Variants in FMO1 observed in about 807,000 individuals in gnomAD.
FMO1 encodes flavin containing dimethylaniline monoxygenase 1.
In FMO1, 36 loss-of-function variants were observed where a neutral mutation model predicts 45.4. The observed-to-expected ratio is 0.79, with a 90% CI of 0.61 to 1.05. FMO1 has a LOEUF of 1.05. FMO1 is among the 50% of genes least tolerant of loss of function. The pLI, the probability that FMO1 is intolerant of heterozygous loss-of-function variation, is 0.00. For missense variants in FMO1, 615 were observed against 640.3 expected, an observed-to-expected ratio of 0.96 and a Z score of 0.43; for synonymous variants, 228 against 227.2, an observed-to-expected ratio of 1.00 and a Z score of -0.03.
At chr1:171,265,165 C>T (rs527453972) in intron 2 of FMO1, among the ~76,000 whole-genome samples, 7 of 152,004 alleles carry the variant, frequency 4.6e-5, no homozygotes, top group Admixed American at 3.9e-4. Flanking sequence ...CCAAGGCAGG[C>T]GGATCATGAG....
chr1:171,271,947 A>T (rs1282650093), intron 3 of FMO1, among the ~76,000 whole-genome samples: 2 of 152,178 alleles, frequency 1.3e-5, no homozygotes, highest in Non-Finnish European at 2.9e-5. Context: ...AATAACAAGG[A>T]GCCAAATGTT....
rs36027678 is a variant in FMO1, at chr1:171,274,148, CAAAA to C, written c.322-1183_322-1180del. On this transcript the variant is annotated intron_variant, in intron 3 of 8. Coordinates refer to ENST00000617670, the MANE Select transcript of FMO1 (RefSeq NM_001282693.2). ...TGGGCAACAGAGCGAGACTCCATCTCAAAAAAAAAAAAAAAAAAGTAAACACAAA... is the reference window on the plus strand; with the variant it reads ...TGGGCAACAGAGCGAGACTCCATCTCAAAAAAAAAAAAAAGTAAACACAAA... Among the ~76,000 whole-genome samples, 56 of 96,670 alleles carry C rather than the reference CAAAA, an allele frequency of 5.8e-4. No individual in the cohort carries two copies. In the South Asian group the frequency reaches 0.017, roughly 29 times the overall value. The allele number at this position is 96,670 out of a possible 152,430, so 63.4% of individuals were successfully genotyped here. A position where few individuals can be genotyped will look rare whatever the true frequency, so the allele number is the denominator to read the frequency against.
chr1:171,284,477 C>A (rs1264676102), intron 8 of FMO1, among the ~76,000 whole-genome samples: 2 of 151,984 alleles, frequency 1.3e-5, no homozygotes, highest in African/African-American at 4.8e-5. Context: ...GTGGATCATG[C>A]CTGTAATCCC....
chr1:171,264,039 G>A (rs886080813), intron 2 of FMO1, among the ~76,000 whole-genome samples: 3 of 152,152 alleles, frequency 2.0e-5, no homozygotes, highest in Admixed American at 6.5e-5. Context: ...TATCCTAAGG[G>A]CTAAGTTTCC....
intron 2 of FMO1, among the ~76,000 whole-genome samples, chr1:171,261,599 T>A (rs968558908): frequency 6.6e-6 from 1 of 151,972 alleles, no homozygotes; most frequent in African/African-American, 2.4e-5. Context: ...ATTACTGCAT[T>A]TTGGCCAGGC....
intron 2 of FMO1, among the ~76,000 whole-genome samples, chr1:171,264,313 T>G (rs1481805356): frequency 6.7e-6 from 1 of 149,680 alleles, no homozygotes; most frequent in Non-Finnish European, 1.5e-5. Context: ...AAATTTTTAA[T>G]TTGTGTGTGT....
Position 171,278,718 on chromosome 1 carries a change from A to G in FMO1, c.485-11A>G. On this transcript the variant is annotated splice_polypyrimidine_tract_variant and intron_variant, in intron 4 of 8. Coordinates refer to ENST00000617670, the MANE Select transcript of FMO1 (RefSeq NM_001282693.2). Reference sequence around the variant, plus strand: ...TAATTCTCTGTGTGACTTCTCTTTTATTTTCTATAGGTATTAATGCCTTTA... The same window carrying G: ...TAATTCTCTGTGTGACTTCTCTTTTGTTTTCTATAGGTATTAATGCCTTTA... The G allele has an allele frequency of 6.4e-7, 1 of 1,552,840 alleles. No homozygotes were observed. Among genetic ancestry groups the G allele is most frequent in the Non-Finnish European group, 8.8e-7 (1 of 1,140,948 alleles).
chr1:171,271,651 C>T, intron 3 of FMO1: 1 of 706,654 alleles, frequency 1.4e-6, no homozygotes, highest in Non-Finnish European at 2.5e-6. Flanking sequence ...TCTCACTTGC[C>T]CCAGTGCTGT....
intron 6 of FMO1, 104 bp downstream of exon 6, chr1:171,281,089 T>A: frequency 1.2e-6 from 1 of 844,742 alleles, no homozygotes; most frequent in Non-Finnish European, 1.9e-6. Context: ...GCTGAATGTG[T>A]GGGAACACTT....
intron 1 of FMO1, 46 bp from the exon 2 acceptor site, chr1:171,258,036 G>A: frequency 1.2e-6 from 2 of 1,611,022 alleles, no homozygotes; most frequent in Non-Finnish European, 1.7e-6. Flanking sequence ...GCCAAGGGTG[G>A]GGTGGAGCTT....
At chr1:171,262,266 C>T (rs1558007122) in intron 2 of FMO1, among the ~76,000 whole-genome samples, 1 of 152,044 alleles carries the variant, frequency 6.6e-6, no homozygotes, top group Non-Finnish European at 1.5e-5. Context: ...GAAACCCCAT[C>T]TCTACTAAAA....
At chr1:171,279,982 G>A (rs192377102) in intron 5 of FMO1, among the ~76,000 whole-genome samples, 3 of 151,950 alleles carry the variant, frequency 2.0e-5, no homozygotes, top group East Asian at 1.9e-4. Context: ...ACTCCAACAC[G>A]AAGTGATCTC....
rs1167098560 is a variant in FMO1 at position 171,280,923 on chromosome 1, G to A, written c.765G>A (p.Leu255=). ...TCCCAACCCCAATTGTGACTTGGTTGATGGAGCGAAAGATAAACAACTGGC... is the reference window on the plus strand; with the variant it reads ...TCCCAACCCCAATTGTGACTTGGTTAATGGAGCGAAAGATAAACAACTGGC... The part of the protein sequence containing the change: ...NSLPTPIVTW[L]MERKINNWLN... Residue 255 remains leucine, a synonymous_variant, in exon 6 of 9, where the codon TTG becomes TTA. Transcript: ENST00000617670. 6.2e-7 allele frequency: 1 copy of A among 1,613,788 alleles called. No homozygotes were observed. The highest frequency in any genetic ancestry group is 1.3e-5 in the African/African-American group (1 of 74,882).
At chr1:171,258,019 T>A in intron 1 of FMO1, 63 bp from the exon 2 acceptor site, 1 of 1,597,194 alleles carries the variant, frequency 6.3e-7, no homozygotes, top group African/African-American at 1.3e-5. Flanking sequence ...CCTGGCTTGT[T>A]AGAGCAGCCA....
chr1:171,264,545 C>T (rs566707109), intron 2 of FMO1, among the ~76,000 whole-genome samples: 1 of 152,022 alleles, frequency 6.6e-6, no homozygotes, highest in East Asian at 1.9e-4. Flanking sequence ...AGCACTCTCA[C>T]TCAAAATATG....
At position 171,280,912 on chromosome 1, in the gene FMO1, G is replaced by A; in HGVS notation, c.754G>A (p.Val252Met). ...GAGAAATTCCCTCCCAACCCCAATT[G>A]TGACTTGGTTGATGGAGCGAAAGAT... ...MLRNSLPTPI[V>M]TWLMERKINN... The change falls in exon 6 of 9, where the codon GTG (valine) becomes ATG (methionine). Residue 252 changes from valine to methionine, a missense_variant. By Grantham distance (21) the Val-to-Met change is conservative. Transcript: ENST00000617670. 1.9e-6 allele frequency: 3 copies of A among 1,613,930 alleles called. No homozygotes were observed. Among genetic ancestry groups the A allele is most frequent in the Non-Finnish European group, 2.5e-6 (3 of 1,179,870 alleles).
In FMO1 at chr1:171,280,999, G is replaced by T; in HGVS notation, c.827+14G>T. On this transcript the variant is annotated intron_variant, in intron 6 of 8. Coordinates refer to ENST00000617670, the MANE Select transcript of FMO1 (RefSeq NM_001282693.2). ...ACCAGAAGACAGGTAAATATAATGT[G>T]ACTGCCAAGGGCTTTTAGGAAGAAG... is the stretch of plus-strand genomic sequence containing the variant. The T allele has an allele frequency of 6.2e-7, 1 of 1,610,170 alleles. No individual in the cohort carries two copies. Among genetic ancestry groups the T allele is most frequent in the South Asian group, 1.1e-5 (1 of 90,926 alleles).
intron 2 of FMO1, among the ~76,000 whole-genome samples, chr1:171,261,343 A>ACACACAC: frequency 6.6e-6 from 1 of 152,082 alleles, no homozygotes; most frequent in African/African-American, 2.4e-5. Context: ...ACACACACAC[A>ACACACAC]AAAGGTTAGA....
intron 1 of FMO1, among the ~76,000 whole-genome samples, chr1:171,256,145 C>T (rs28384849): frequency 0.014 from 2,067 of 151,724 alleles, 48 homozygotes; most frequent in African/African-American, 0.045. Flanking sequence ...TGGTGGCGGG[C>T]GCCTGTAGTC....
Sources: allele counts gnomAD v4.1 joint callset (sites outside exome capture counted in the v4.1 genomes callset), GRCh38; gene constraint gnomAD v4.1.1; transcripts MANE v1.5; gene names NCBI Gene and HGNC (gene_info 2026-07-23, HGNC 2026-07-21).